EXOSC7: variants seen among roughly 807,000 people sequenced by gnomAD.
EXOSC7 encodes the protein exosome complex component RRP42.
EXOSC7 carries 25 observed loss-of-function variants against 34.3 expected under a neutral mutation model. The ratio of observed to expected loss-of-function variants is 0.73; its 90% confidence interval spans 0.53 to 1.02. The LOEUF (loss-of-function observed/expected upper bound fraction) is 1.02. Ranked by LOEUF, EXOSC7 falls within the 50% of genes least tolerant of loss-of-function variation. EXOSC7 has a pLI of 0.00. For synonymous variants in EXOSC7, 130 were observed against 143.0 expected (o/e 0.91, Z 0.65); for missense variants, 370 against 368.5 (o/e 1.00, Z -0.03).
intron 1 of EXOSC7, among the ~76,000 whole-genome samples, chr3:44,979,253 G>A (rs1399619524): frequency 6.6e-6 from 1 of 152,192 alleles, no homozygotes; most frequent in African/African-American, 2.4e-5. Context: ...AACTTTTGTT[G>A]CGTTGGTTAT....
At chr3:44,987,466 A>G (rs1706452697) in intron 1 of EXOSC7, among the ~76,000 whole-genome samples, 1 of 152,262 alleles carries the variant, frequency 6.6e-6, no homozygotes, top group Non-Finnish European at 1.5e-5. Flanking sequence ...CAGCTACTTC[A>G]GAGGCTGAGG....
chr3:45,001,794 A>G, intron 5 of EXOSC7, 186 bp downstream of exon 5: 1 of 562,234 alleles, frequency 1.8e-6, no homozygotes, highest in Non-Finnish European at 3.2e-6. Flanking sequence ...AACTACATAT[A>G]TACGTATATT....
Position 44,989,539 on chromosome 3 carries a change from T to A in EXOSC7, c.160-11T>A, listed in dbSNP as rs754124542. On this transcript the variant is annotated splice_polypyrimidine_tract_variant and intron_variant, in intron 2 of 7. Coordinates refer to ENST00000265564, the MANE Select transcript of EXOSC7 (RefSeq NM_015004.4). ...ACTCTGAGTGAGGACTCTTCTTGCATGTGTCTGCAGGGTCACACAGACATC... is the reference window on the plus strand; with the variant it reads ...ACTCTGAGTGAGGACTCTTCTTGCAAGTGTCTGCAGGGTCACACAGACATC... 3 of 1,606,958 alleles carry A rather than the reference T, an allele frequency of 1.9e-6. No homozygotes were observed. Among genetic ancestry groups the A allele is most frequent in the Non-Finnish European group, 2.6e-6 (3 of 1,173,886 alleles).
Position 45,005,275 on chromosome 3 carries a change from GT to G in EXOSC7, c.492-15del. On this transcript the variant is annotated splice_polypyrimidine_tract_variant and intron_variant, in intron 5 of 7. Transcript: ENST00000265564. ...CCTCCTCCAAGTGGGAATTTTACTA[GT>G]GCTTCTGCTTCCAGGATACCAAGGG... 1 of 1,613,754 alleles carries G rather than the reference GT, an allele frequency of 6.2e-7. No homozygotes were observed. Among genetic ancestry groups the G allele is most frequent in the South Asian group, 1.1e-5 (1 of 91,072 alleles).
chr3:45,001,385 G>A (rs573468419), intron 4 of EXOSC7, among the ~76,000 whole-genome samples, 153 bp from the exon 5 acceptor site: 1 of 152,016 alleles, frequency 6.6e-6, no homozygotes, highest in East Asian at 1.9e-4. Flanking sequence ...AGAGGTTGCA[G>A]TTAGCCAAGA....
At chr3:44,981,593 T>A (rs1441959920) in intron 1 of EXOSC7, among the ~76,000 whole-genome samples, 1 of 152,110 alleles carries the variant, frequency 6.6e-6, no homozygotes. Flanking sequence ...CTCTTTTGAT[T>A]TGAAGGAATC....
At chr3:45,003,143 A>C (rs944522373) in intron 5 of EXOSC7, among the ~76,000 whole-genome samples, 1 of 152,210 alleles carries the variant, frequency 6.6e-6, no homozygotes, top group Non-Finnish European at 1.5e-5. Context: ...TCTCATCCTC[A>C]GACCAAGAAC....
intron 7 of EXOSC7, 50 bp from the exon 8 acceptor site, chr3:45,011,185 G>A: frequency 1.9e-6 from 2 of 1,079,214 alleles, no homozygotes; most frequent in Non-Finnish European, 2.8e-6. Flanking sequence ...TGGTCAGAGT[G>A]TGTGTGCCTT....
intron 3 of EXOSC7, among the ~76,000 whole-genome samples, chr3:44,992,582 A>T (rs879523443): frequency 2.0e-5 from 3 of 152,178 alleles, no homozygotes; most frequent in Non-Finnish European, 2.9e-5. Context: ...TGTTCCAGAG[A>T]TGCCTGGCAG....
intron 6 of EXOSC7, 73 bp downstream of exon 6, chr3:45,005,487 TA>T: frequency 1.3e-6 from 2 of 1,494,112 alleles, no homozygotes; most frequent in South Asian, 1.2e-5. Flanking sequence ...CTGCTGAGGT[TA>T]CTTAATAAGT....
At chr3:44,997,889 CCA>C (rs2125968941) in intron 4 of EXOSC7, among the ~76,000 whole-genome samples, 1 of 152,328 alleles carries the variant, frequency 6.6e-6, no homozygotes, top group East Asian at 1.9e-4. Context: ...CTGCCTCCTC[CCA>C]CACAGAGTCT....
rs959844556 is a variant in EXOSC7, at chr3:45,011,443, C to T, written c.*104C>T. 5.5e-6 allele frequency: 4 copies of T among 730,864 alleles called. No individual in the cohort carries two copies. In the Admixed American group the frequency reaches 7.6e-5, roughly 14 times the overall value. 45.3% of individuals were successfully genotyped at this position (730,864 alleles called of 1,614,324 possible). On this transcript the variant is annotated 3_prime_UTR_variant, in exon 8 of 8. Transcript: ENST00000265564. ...TTACGAATTTACAGCAGCATTTGTA[C>T]ATGTAAAATTAAAGGCTATTTTCTG...
chr3:45,005,196 G>A (rs1188210824), intron 5 of EXOSC7, 95 bp from the exon 6 acceptor site: 4 of 1,426,450 alleles, frequency 2.8e-6, no homozygotes, highest in Non-Finnish European at 3.9e-6. Flanking sequence ...TCTTTCTCTT[G>A]TGAGACACAG....
chr3:44,987,046 C>CA (rs1233525894), intron 1 of EXOSC7, among the ~76,000 whole-genome samples: 1 of 149,470 alleles, frequency 6.7e-6, no homozygotes, highest in Non-Finnish European at 1.5e-5. Context: ...GAAGGAGCTC[C>CA]ATGAGCCAAC....
At chr3:45,005,665 A>G (rs547992268) in intron 6 of EXOSC7, among the ~76,000 whole-genome samples, 1 of 152,302 alleles carries the variant, frequency 6.6e-6, no homozygotes, top group Admixed American at 6.5e-5. Flanking sequence ...TAGTAGCCAG[A>G]GTTTGTTAAG....
At position 44,989,142 on chromosome 3, in the gene EXOSC7, A is replaced by C; in HGVS notation, c.60A>C (p.Glu20Asp). 1 of 1,612,284 alleles carries C rather than the reference A, an allele frequency of 6.2e-7. No homozygotes were observed. Among genetic ancestry groups the C allele is most frequent in the Non-Finnish European group, 8.5e-7 (1 of 1,178,332 alleles). ...GGACTGTGGTTGTTAACACCTAGGA[A>C]GACCTCCGTGTGGATGGCCGTGGCT... ...EKVYIVHGVQ[E>D]DLRVDGRGCE... The change falls in exon 2 of 8, where the codon GAA becomes GAC. Residue 20 changes from glutamate (E) to aspartate (D), a missense_variant and splice_region_variant. This residue lies in a region of EXOSC7 where 95 missense variants were observed against 79.8 expected (regional missense o/e 1.19). Coordinates refer to ENST00000265564, the MANE Select transcript of EXOSC7 (RefSeq NM_015004.4).
In EXOSC7 at chr3:45,005,398, T is replaced by A. The variant is rs1009377956; in HGVS notation, c.599T>A (p.Ile200Asn). ...IRLSVENVPC[I>N]VTLCKIGYRH... ...CTAAGTGTGGAGAATGTCCCCTGCA[T>A]TGTCACTCTGTGCAAGGTATAACTT... Residue 200 changes from isoleucine to asparagine, a missense_variant, in exon 6 of 8, where the codon ATT (isoleucine) becomes AAT (asparagine). Transcript: ENST00000265564. The A allele has an allele frequency of 3.0e-5, 49 of 1,614,044 alleles. No homozygotes were observed. Among genetic ancestry groups the A allele is most frequent in the Non-Finnish European group, 3.9e-5 (46 of 1,180,024 alleles).
intron 3 of EXOSC7, among the ~76,000 whole-genome samples, chr3:44,991,275 ATCT>A (rs1353803465): frequency 1.3e-5 from 2 of 151,946 alleles, no homozygotes; most frequent in East Asian, 3.9e-4. Context: ...GGTTCTGCTC[ATCT>A]TCTCTCACCA....
intron 1 of EXOSC7, 54 bp from the exon 2 acceptor site, chr3:44,989,086 T>G: frequency 8.1e-7 from 1 of 1,239,236 alleles, no homozygotes; most frequent in East Asian, 2.3e-5. Flanking sequence ...TGAGTCCGTT[T>G]AGGAGTTATT....
Sources: gnomAD v4.1 joint callset for allele counts (sites outside exome capture counted in the v4.1 genomes callset) on GRCh38, gnomAD v4.1.1 for gene constraint, gnomAD v4.1.1 regional missense constraint, MANE v1.5 for transcripts, NCBI Gene and HGNC (gene_info 2026-07-23, HGNC 2026-07-21) for gene names.